BRIP1: variants seen among roughly 807,000 people sequenced by gnomAD.
BRIP1 encodes BRCA1 interacting DNA helicase 1.
Under a neutral mutation model 119.7 loss-of-function variants are expected in BRIP1, and 88 were observed. The ratio of observed to expected loss-of-function variants is 0.74; its 90% CI spans 0.62 to 0.88. The LOEUF is 0.88. Ranked by LOEUF, BRIP1 falls within the 40% of genes least tolerant of loss-of-function variation. BRIP1 has a pLI of 0.00. For missense variants in BRIP1, 1,259 were observed against 1,455.4 expected (o/e 0.87, Z 2.20); for synonymous variants, 443 against 496.5 (o/e 0.89, Z 1.43).
rs1339743866 is a variant in BRIP1 at position 61,784,303 on chromosome 17, A to AT, written c.1594dup (p.Met532AsnfsTer4). The AT allele has an allele frequency of 1.2e-6, 2 of 1,613,240 alleles. No individual in the cohort carries two copies. The highest frequency in any genetic ancestry group is 1.7e-6 in the Non-Finnish European group (2 of 1,179,480). ...TTGCCTAAAAAGATAGTCAAGTACC[A>AT]TAAAAAGTCCTTTAAGCATTATTTG... On this transcript the variant is annotated frameshift_variant, in exon 11 of 20. Transcript: ENST00000259008. LOFTEE classifies it high-confidence loss of function.
At position 61,843,032 on chromosome 17, in the gene BRIP1, C is replaced by T. The variant is rs115965917; in HGVS notation, c.627+4069G>A. ...TATGTGTATGTCAATGGAATATTAG[C>T]CCTAAAAAAGATCCTGCTATTTGTG... On this transcript the variant is annotated intron_variant, in intron 6 of 19. Transcript: ENST00000259008. This position sits in a 1 kb window ranked among gnomAD's most constrained non-coding sequence, Gnocchi z 5.7. 3.7e-3 allele frequency among the ~76,000 whole-genome samples: 569 copies of T among 152,102 alleles called. 2 individuals are homozygous for T. Among genetic ancestry groups the T allele is most frequent in the African/African-American group, 0.012 (518 of 41,506 alleles).
chr17:61,719,541 G>A (rs959741426), intron 16 of BRIP1, among the ~76,000 whole-genome samples: 30 of 151,814 alleles, frequency 2.0e-4, no homozygotes, highest in Non-Finnish European at 4.0e-4. Flanking sequence ...TGGCTAACAC[G>A]GTGAAATCCC....
intron 14 of BRIP1, among the ~76,000 whole-genome samples, chr17:61,749,743 T>C (rs778139171): frequency 9.2e-4 from 140 of 152,314 alleles, no homozygotes; most frequent in Non-Finnish European, 1.0e-3. Context: ...TGGGTTTCAA[T>C]ATACAAGTCT....
intron 10 of BRIP1, among the ~76,000 whole-genome samples, chr17:61,792,328 C>T (rs2077831033): frequency 6.6e-6 from 1 of 152,110 alleles, no homozygotes. Context: ...AATTGTGTTC[C>T]TAAGTAAATA....
At chr17:61,731,079 T>TAA (rs762489777) in intron 16 of BRIP1, among the ~76,000 whole-genome samples, 1 of 130,760 alleles carries the variant, frequency 7.6e-6, no homozygotes, top group Non-Finnish European at 1.7e-5. Flanking sequence ...CAAACTATCT[T>TAA]AAAAAAAAAA....
In BRIP1 at chr17:61,765,417, A is replaced by T. The variant is rs1437236410; in HGVS notation, c.2097+10984T>A. ...TATATATATATATATATATATATAT[A>T]TATATATTTTTTTTTTTTTTTTTTT... On this transcript the variant is annotated intron_variant, in intron 14 of 19. Coordinates refer to ENST00000259008, the MANE Select transcript of BRIP1 (RefSeq NM_032043.3). 3.8e-3 allele frequency among the ~76,000 whole-genome samples: 46 copies of T among 12,056 alleles called. 2 individuals are homozygous for T. The highest frequency in any genetic ancestry group is 7.8e-3 in the South Asian group (2 of 256). 7.9% of individuals were successfully genotyped at this position (12,056 alleles called of 152,430 possible).
chr17:61,685,755 T>C (rs1259935283), intron 19 of BRIP1, 81 bp downstream of exon 19: 11 of 1,254,104 alleles, frequency 8.8e-6, no homozygotes, highest in Non-Finnish European at 1.2e-5. Flanking sequence ...AAGGAATTAA[T>C]CTATACCCAA....
rs1475158570 is a variant in BRIP1 at position 61,825,415 on chromosome 17, G to A, written c.628-16658C>T. ...AAAGAAATAAAGGGCATCCAAATAG[G>A]AAGAGAGGAAGTCAAACTATCCCTC... On this transcript the variant is annotated intron_variant, in intron 6 of 19. Coordinates refer to ENST00000259008, the MANE Select transcript of BRIP1 (RefSeq NM_032043.3). The surrounding 1 kb of genome is among the most constrained non-coding windows in gnomAD (Gnocchi z 4.1). 6.6e-6 allele frequency among the ~76,000 whole-genome samples: 1 copy of A among 151,962 alleles called. No homozygotes were observed. The highest frequency in any genetic ancestry group is 2.4e-5 in the African/African-American group (1 of 41,368).
intron 5 of BRIP1, 42 bp downstream of exon 5, chr17:61,849,086 CT>C (rs780423698): frequency 6.2e-7 from 1 of 1,608,356 alleles, no homozygotes; most frequent in South Asian, 1.1e-5. Context: ...CCATGTTCAG[CT>C]GTAACTAACT....
rs2144847297 is a variant in BRIP1, at chr17:61,761,161, CATCT to C, written c.2097+15236_2097+15239del. On this transcript the variant is annotated intron_variant, in intron 14 of 19. Coordinates refer to ENST00000259008, the MANE Select transcript of BRIP1 (RefSeq NM_032043.3). This position sits in a 1 kb window ranked among gnomAD's most constrained non-coding sequence, Gnocchi z 6.4. ...GAATGAAGGACAAAAACCATATGATCATCTCATTAGATGTAGAAAAATCATTTGA... is the reference window on the plus strand; with the variant it reads ...GAATGAAGGACAAAAACCATATGATCCATTAGATGTAGAAAAATCATTTGA... Among the ~76,000 whole-genome samples, 1 of 152,112 alleles carries C rather than the reference CATCT, an allele frequency of 6.6e-6. No individual in the cohort carries two copies. Among genetic ancestry groups the C allele is most frequent in the South Asian group, 2.1e-4 (1 of 4,824 alleles).
chr17:61,743,137 T>C lies in BRIP1; in HGVS notation c.2258-3A>G, dbSNP rs786203561. The C allele has an allele frequency of 6.2e-7, 1 of 1,613,874 alleles. No homozygotes were observed. Among genetic ancestry groups the C allele is most frequent in the Non-Finnish European group, 8.5e-7 (1 of 1,179,848 alleles). On this transcript the variant is annotated splice_region_variant and splice_polypyrimidine_tract_variant and intron_variant, in intron 15 of 19. Transcript: ENST00000259008. The surrounding 1 kb of genome is among the most constrained non-coding windows in gnomAD (Gnocchi z 4.3). Reference sequence around the variant, plus strand: ...AACTGCTACCAGGAGAGCTCCATCTTAAACAACAGAAAAAAGCATATCCAA... The same window carrying C: ...AACTGCTACCAGGAGAGCTCCATCTCAAACAACAGAAAAAAGCATATCCAA...
rs1165398150 is a variant in BRIP1 at position 61,769,191 on chromosome 17, C to G, written c.2097+7210G>C. On this transcript the variant is annotated intron_variant, in intron 14 of 19. Coordinates refer to ENST00000259008, the MANE Select transcript of BRIP1 (RefSeq NM_032043.3). This position sits in a 1 kb window ranked among gnomAD's most constrained non-coding sequence, Gnocchi z 4.9. ...CAACCCCAGTTGACTCTGCTGGGAG[C>G]CTTGTAATACACTGAGAAGAAAAAC... Among the ~76,000 whole-genome samples the G allele has an allele frequency of 1.3e-5, 2 of 152,240 alleles. No homozygotes were observed. Among genetic ancestry groups the G allele is most frequent in the African/African-American group, 2.4e-5 (1 of 41,530 alleles).
At chr17:61,750,673 A>G (rs892505917) in intron 14 of BRIP1, among the ~76,000 whole-genome samples, 4 of 151,090 alleles carry the variant, frequency 2.6e-5, no homozygotes, top group Admixed American at 2.6e-4. Flanking sequence ...ATTCAAATAT[A>G]GGCAAAGGAC....
At chr17:61,698,519 G>C (rs2061561659) in intron 17 of BRIP1, among the ~76,000 whole-genome samples, 1 of 152,064 alleles carries the variant, frequency 6.6e-6, no homozygotes, top group Admixed American at 6.6e-5. Flanking sequence ...TTGGTTTGTA[G>C]TTTTGTTCAA....
chr17:61,729,088 C>G lies in BRIP1; in HGVS notation c.2380-13025G>C, dbSNP rs2076809070. On this transcript the variant is annotated intron_variant, in intron 16 of 19. Transcript: ENST00000259008. The surrounding 1 kb of genome is among the most constrained non-coding windows in gnomAD (Gnocchi z 5.6). The stretch of plus-strand genomic sequence containing the variant: ...CTGAGGTCGGGAGTTCGAGACCAGC[C>G]TGACCAACATAGAGACACCCCATCT... Among the ~76,000 whole-genome samples the G allele has an allele frequency of 6.6e-6, 1 of 151,912 alleles. No homozygotes were observed.
Position 61,861,736 on chromosome 17 carries a change from G to C in BRIP1, c.-30-167C>G, listed in dbSNP as rs754816161. ...TAGTCTTATAAATCACAGCGGTCAA[G>C]AGCATGTCTTAGAGTCTAACAAATC... On this transcript the variant is annotated intron_variant, in intron 1 of 19. Coordinates refer to ENST00000259008, the MANE Select transcript of BRIP1 (RefSeq NM_032043.3). The surrounding 1 kb of genome is among the most constrained non-coding windows in gnomAD (Gnocchi z 4.5). Among the ~76,000 whole-genome samples the C allele has an allele frequency of 3.7e-4, 57 of 152,156 alleles. No individual in the cohort carries two copies. Among genetic ancestry groups the C allele is most frequent in the Non-Finnish European group, 7.4e-4 (50 of 68,026 alleles).
At chr17:61,783,422 G>A (rs2077653558) in intron 11 of BRIP1, among the ~76,000 whole-genome samples, 1 of 152,036 alleles carries the variant, frequency 6.6e-6, no homozygotes, top group Admixed American at 6.6e-5. Flanking sequence ...ATTATTTCAT[G>A]GGTACAGAAT....
In BRIP1 at chr17:61,799,159, G is replaced by A. The variant is rs2145302897; in HGVS notation, c.1281C>T (p.Asn427=). 6.2e-7 allele frequency: 1 copy of A among 1,613,576 alleles called. No individual in the cohort carries two copies. Among genetic ancestry groups the A allele is most frequent in the Non-Finnish European group, 8.5e-7 (1 of 1,179,668 alleles). The change falls in exon 9 of 20, where the codon AAC becomes AAT. Residue 427 remains asparagine (N), a synonymous_variant. Transcript: ENST00000259008. The surrounding 1 kb of genome is among the most constrained non-coding windows in gnomAD (Gnocchi z 5.1). ...FARDELDSMV[N]NNIRKKDHEP... ...CATGATCTTTCTTCCTTATATTATTGTTGACCATACTATCTAGTTCATCCC... is the reference window on the plus strand; with the variant it reads ...CATGATCTTTCTTCCTTATATTATTATTGACCATACTATCTAGTTCATCCC...
In BRIP1 at chr17:61,726,772, C is replaced by CT; in HGVS notation, c.2380-10710dup. The stretch of plus-strand genomic sequence containing the variant: ...GCACTCTTTAATATCCTCCATAATA[C>CT]TTTTTGGTCACTTTTCAACTTATGA... On this transcript the variant is annotated intron_variant, in intron 16 of 19. Transcript: ENST00000259008. This position sits in a 1 kb window ranked among gnomAD's most constrained non-coding sequence, Gnocchi z 6.2. Among the ~76,000 whole-genome samples the CT allele has an allele frequency of 6.6e-6, 1 of 152,262 alleles. No individual in the cohort carries two copies. Among genetic ancestry groups the CT allele is most frequent in the African/African-American group, 2.4e-5 (1 of 41,542 alleles).
Sources: gnomAD v4.1 joint callset for allele counts (sites outside exome capture counted in the v4.1 genomes callset) on GRCh38, gnomAD v4.1.1 for gene constraint, Gnocchi (gnomAD v3.1) non-coding constraint, MANE v1.5 for transcripts, NCBI Gene and HGNC (gene_info 2026-07-23, HGNC 2026-07-21) for gene names.